Variants in MCPH1 observed in about 807,000 individuals in gnomAD.
The protein encoded by MCPH1 is microcephalin 1.
In MCPH1, 104 loss-of-function variants were observed where a neutral mutation model predicts 84.5. The ratio of observed to expected loss-of-function variants is 1.23; its 90% CI spans 1.05 to 1.45. MCPH1 has a LOEUF of 1.45. Ranked by LOEUF, MCPH1 falls within the 40% of genes most tolerant of loss-of-function variation. The pLI is 0.00. For synonymous variants in MCPH1, 514 were observed against 366.8 expected (o/e 1.40, Z -4.58); for missense variants, 1,498 against 1,005.7 (o/e 1.49, Z -6.62).
chr8:6,561,710 T>C (rs1043883001), intron 12 of MCPH1, among the ~76,000 whole-genome samples: 1 of 152,248 alleles, frequency 6.6e-6, no homozygotes, highest in Non-Finnish European at 1.5e-5. Context: ...CTTTAGAATA[T>C]ATATAGTCCA....
Position 6,536,972 on chromosome 8 carries a change from G to GAAAA in MCPH1, c.2214+37058_2214+37061dup, listed in dbSNP as rs58686747. Among the ~76,000 whole-genome samples, 12 of 102,278 alleles carry GAAAA rather than the reference G, an allele frequency of 1.2e-4. No individual in the cohort carries two copies. In the East Asian group the frequency reaches 3.7e-3, roughly 32 times the overall value. The allele number at this position is 102,278 out of a possible 152,430, so 67.1% of individuals were successfully genotyped here. On this transcript the variant is annotated intron_variant, in intron 12 of 13. Coordinates refer to ENST00000344683, the MANE Select transcript of MCPH1 (RefSeq NM_024596.5). ...TAAGTATAAGGAAGTCTTAGTACAA[G>GAAAA]AAAAAAAAAAAAAAAAAACCAACCC...
At chr8:6,516,400 T>G (rs1268226421) in intron 12 of MCPH1, among the ~76,000 whole-genome samples, 1 of 152,196 alleles carries the variant, frequency 6.6e-6, no homozygotes, top group Non-Finnish European at 1.5e-5. Context: ...ACCTTCTAAG[T>G]GATATATAGG....
At chr8:6,638,917 G>C (rs1384777545) in intron 13 of MCPH1, among the ~76,000 whole-genome samples, 4 of 152,170 alleles carry the variant, frequency 2.6e-5, no homozygotes, top group South Asian at 4.1e-4. Flanking sequence ...AGACCTCCCA[G>C]AGTGCTGCCC....
intron 12 of MCPH1, among the ~76,000 whole-genome samples, chr8:6,603,219 T>G (rs1563175997): frequency 6.6e-6 from 1 of 152,202 alleles, no homozygotes; most frequent in African/African-American, 2.4e-5. Flanking sequence ...AGGAATGTGC[T>G]TATTTTCATA....
chr8:6,580,321 C>T (rs915331361), intron 12 of MCPH1, among the ~76,000 whole-genome samples: 3 of 152,202 alleles, frequency 2.0e-5, no homozygotes, highest in African/African-American at 7.2e-5. Context: ...TCACAATTCC[C>T]TGATACAGCC....
intron 12 of MCPH1, among the ~76,000 whole-genome samples, chr8:6,542,918 G>C (rs989658970): frequency 6.6e-6 from 1 of 152,188 alleles, no homozygotes; most frequent in East Asian, 1.9e-4. Flanking sequence ...TTTTCTAGAA[G>C]ACATTTTCCA....
At chr8:6,556,337 G>T (rs1315273405) in intron 12 of MCPH1, among the ~76,000 whole-genome samples, 1 of 151,658 alleles carries the variant, frequency 6.6e-6, no homozygotes, top group Non-Finnish European at 1.5e-5. Context: ...TCCATTTTTT[G>T]CAGTATCTAT....
chr8:6,523,771 T>C (rs1817811473), intron 12 of MCPH1, among the ~76,000 whole-genome samples: 1 of 152,172 alleles, frequency 6.6e-6, no homozygotes, highest in Admixed American at 6.5e-5. Context: ...GTATTTTTAG[T>C]AGAGACGTGG....
intron 7 of MCPH1, 29 bp downstream of exon 7, chr8:6,442,185 A>G (rs780025322): frequency 2.9e-6 from 4 of 1,398,596 alleles, no homozygotes; most frequent in South Asian, 1.2e-5. Context: ...TTTCTGTGAT[A>G]TGTTTAAGTT....
At chr8:6,642,452 A>G (rs1367432019) in intron 13 of MCPH1, among the ~76,000 whole-genome samples, 2 of 152,190 alleles carry the variant, frequency 1.3e-5, no homozygotes, top group Non-Finnish European at 2.9e-5. Context: ...ATGGGACTTT[A>G]GAGCTTCTTT....
intron 12 of MCPH1, among the ~76,000 whole-genome samples, chr8:6,597,311 C>T (rs1829003217): frequency 6.6e-6 from 1 of 152,300 alleles, no homozygotes; most frequent in Middle Eastern, 3.4e-3. Context: ...AGGCAAGCCC[C>T]AGCGTTTCCC....
At chr8:6,617,769 T>G (rs1830965056) in intron 12 of MCPH1, among the ~76,000 whole-genome samples, 1 of 152,120 alleles carries the variant, frequency 6.6e-6, no homozygotes, top group Non-Finnish European at 1.5e-5. Flanking sequence ...CTCAACTTCC[T>G]GGGCTCAAGT....
At chr8:6,597,365 T>A (rs868635107) in intron 12 of MCPH1, among the ~76,000 whole-genome samples, 1 of 152,180 alleles carries the variant, frequency 6.6e-6, no homozygotes, top group South Asian at 2.1e-4. Flanking sequence ...ATTAGACTTC[T>A]AGGAAGAGAT....
intron 13 of MCPH1, among the ~76,000 whole-genome samples, chr8:6,623,199 A>G (rs1831655937): frequency 6.6e-6 from 1 of 151,954 alleles, no homozygotes; most frequent in African/African-American, 2.4e-5. Flanking sequence ...CCATCTCCAA[A>G]TACAGTCTCA....
intron 12 of MCPH1, chr8:6,507,671 G>C (rs1354092125): frequency 2.0e-5 from 3 of 148,948 alleles, no homozygotes; most frequent in Non-Finnish European, 4.4e-5. Flanking sequence ...CTGCCTCCCA[G>C]GTTCAAGCCA....
At chr8:6,529,301 A>T (rs1014881857) in intron 12 of MCPH1, among the ~76,000 whole-genome samples, 4 of 152,176 alleles carry the variant, frequency 2.6e-5, no homozygotes. Context: ...TCTCATTCTG[A>T]CAGGCTTGGA....
At chr8:6,531,175 C>G (rs1203771079) in intron 12 of MCPH1, among the ~76,000 whole-genome samples, 1 of 151,792 alleles carries the variant, frequency 6.6e-6, no homozygotes, top group African/African-American at 2.4e-5. Context: ...CCTTTCCCAC[C>G]CAGGCCGTTC....
intron 7 of MCPH1, among the ~76,000 whole-genome samples, chr8:6,442,736 A>G (rs559842430): frequency 6.6e-6 from 1 of 152,314 alleles, no homozygotes; most frequent in African/African-American, 2.4e-5. Context: ...CAGTTTCTTC[A>G]CCTAGTCCCC....
chr8:6,607,166 G>A (rs1158841857), intron 12 of MCPH1, among the ~76,000 whole-genome samples: 1 of 152,188 alleles, frequency 6.6e-6, no homozygotes, highest in Non-Finnish European at 1.5e-5. Context: ...CCTGGGGCAG[G>A]TTATAAGATC....
Sources: allele counts gnomAD v4.1 joint callset (sites outside exome capture counted in the v4.1 genomes callset), GRCh38; gene constraint gnomAD v4.1.1; transcripts MANE v1.5; gene names NCBI Gene and HGNC (gene_info 2026-07-23, HGNC 2026-07-21).